Variants in CRHR1 observed in about 807,000 individuals in gnomAD.
The protein encoded by CRHR1 is corticotropin releasing hormone receptor 1.
A neutral mutation model predicts 56.0 loss-of-function variants in CRHR1; 28 were observed. The observed-to-expected ratio is 0.50, with a 90% CI of 0.37 to 0.69. The LOEUF is 0.69. Ranked by LOEUF, CRHR1 falls within the 30% of genes least tolerant of loss-of-function variation. The probability of loss-of-function intolerance (pLI) is 0.00; values close to 1 mark genes in which losing one functional copy is unlikely to be tolerated. For synonymous variants in CRHR1, 195 were observed against 216.5 expected, an observed-to-expected ratio of 0.90 and a Z score of 0.87; for missense variants, 376 against 548.0, an observed-to-expected ratio of 0.69 and a Z score of 3.13.
intron 1 of CRHR1, among the ~76,000 whole-genome samples, chr17:45,792,434 G>T (rs969293263): frequency 4.6e-5 from 7 of 152,124 alleles, no homozygotes; most frequent in African/African-American, 1.7e-4. Flanking sequence ...TTCTAGAGGG[G>T]AAAGAACCTG....
chr17:45,791,036 A>G (rs2061416338), intron 1 of CRHR1, among the ~76,000 whole-genome samples: 1 of 152,178 alleles, frequency 6.6e-6, no homozygotes, highest in East Asian at 1.9e-4. Context: ...TGCCATTTCC[A>G]GTGGGGAGTG....
chr17:45,833,940 G>A, intron 11 of CRHR1, 67 bp from the exon 12 acceptor site: 1 of 1,613,260 alleles, frequency 6.2e-7, no homozygotes, highest in South Asian at 1.1e-5. Flanking sequence ...GAGAAGCAAG[G>A]GGCAGCCCAG....
At chr17:45,812,007 C>A (rs1454388185) in intron 2 of CRHR1, among the ~76,000 whole-genome samples, 1 of 152,192 alleles carries the variant, frequency 6.6e-6, no homozygotes, top group Non-Finnish European at 1.5e-5. Flanking sequence ...CCATGGGGCA[C>A]TGGTTCCAGA....
At chr17:45,821,546 G>A (rs1309025898) in intron 4 of CRHR1, 106 bp downstream of exon 4, 9 of 1,073,468 alleles carry the variant, frequency 8.4e-6, no homozygotes, top group Non-Finnish European at 8.4e-6. Flanking sequence ...CTAATGTCAA[G>A]GCCCTGCTCT....
chr17:45,809,036 G>A (rs1186768724), intron 2 of CRHR1, among the ~76,000 whole-genome samples: 1 of 152,200 alleles, frequency 6.6e-6, no homozygotes, highest in African/African-American at 2.4e-5. Flanking sequence ...CAGGGGTGGT[G>A]CAAATCCAGG....
In CRHR1 at chr17:45,834,039, C is replaced by A; in HGVS notation, c.1098C>A (p.Leu366=). The change falls in exon 12 of 13, where the codon CTC becomes CTA. Residue 366 remains leucine, a synonymous_variant. Transcript: ENST00000314537. ...TTGTGTCTGTGTTCTACTGTTTCCT[C>A]AATAGTGAGGTGAGGACCCGGGGGC... ...GFFVSVFYCF[L]NSEVRSAIRK... 1 of 1,613,402 alleles carries A rather than the reference C, an allele frequency of 6.2e-7. No homozygotes were observed. The highest frequency in any genetic ancestry group is 8.5e-7 in the Non-Finnish European group (1 of 1,179,408).
intron 8 of CRHR1, among the ~76,000 whole-genome samples, chr17:45,832,681 G>T (rs544110617): frequency 2.6e-4 from 40 of 152,334 alleles, no homozygotes; most frequent in African/African-American, 8.7e-4. Flanking sequence ...TCCTCTCAAG[G>T]TTGTTCAGGC....
At chr17:45,812,635 C>G (rs939648803) in intron 2 of CRHR1, among the ~76,000 whole-genome samples, 1 of 152,182 alleles carries the variant, frequency 6.6e-6, no homozygotes, top group Non-Finnish European at 1.5e-5. Context: ...TTCTCCCCTT[C>G]CCAGCTAGGG....
intron 10 of CRHR1, 58 bp from the exon 11 acceptor site, chr17:45,833,656 G>C: frequency 7.5e-6 from 12 of 1,604,992 alleles, no homozygotes; most frequent in African/African-American, 1.3e-5. Context: ...CCGAGCCAGC[G>C]GGCAGCCCGT....
At chr17:45,803,757 C>CATGTGTGTGT (rs1555650791) in intron 1 of CRHR1, among the ~76,000 whole-genome samples, 1 of 129,452 alleles carries the variant, frequency 7.7e-6, no homozygotes, top group Non-Finnish European at 1.8e-5. Flanking sequence ...AGAGAGAGTG[C>CATGTGTGTGT]GTGTGTGTGT....
intron 1 of CRHR1, among the ~76,000 whole-genome samples, chr17:45,798,283 T>A (rs2061556616): frequency 6.6e-6 from 1 of 152,098 alleles, no homozygotes; most frequent in Non-Finnish European, 1.5e-5. Context: ...CCCAGCACTT[T>A]GGGAGGCCGA....
Position 45,830,189 on chromosome 17 carries a change from G to A in CRHR1, c.530G>A (p.Ser177Asn). 1 of 1,614,128 alleles carries A rather than the reference G, an allele frequency of 6.2e-7. No homozygotes were observed. The highest frequency in any genetic ancestry group is 8.5e-7 in the Non-Finnish European group (1 of 1,180,020). The change falls in exon 6 of 13, where the codon AGC (serine) becomes AAC (asparagine). Residue 177 changes from serine (S) to asparagine (N), a missense_variant. By Grantham distance (46) the Ser-to-Asn change is conservative. Coordinates refer to ENST00000314537, the MANE Select transcript of CRHR1 (RefSeq NM_004382.5). ...TGGTTCGTGGTCCAGCTAACCATGA[G>A]CCCCGAGGTCCACCAGAGCAACGTG... ...ATWFVVQLTM[S>N]PEVHQSNVGW...
chr17:45,800,181 CT>C (rs2061596813), intron 1 of CRHR1: 1 of 152,390 alleles, frequency 6.6e-6, no homozygotes, highest in Admixed American at 6.5e-5. Flanking sequence ...AAATCATGTA[CT>C]TAGTCCTGGA....
intron 10 of CRHR1, 21 bp from the exon 11 acceptor site, chr17:45,833,693 T>TGGGGCGCCCCCCCCC: frequency 6.4e-7 from 1 of 1,571,618 alleles, no homozygotes. Context: ...ACTCCGAGCC[T>TGGGGCGCCCCCCCCC]CCCCACCCGC....
At chr17:45,804,519 T>G (rs2061684708) in intron 1 of CRHR1, among the ~76,000 whole-genome samples, 3 of 146,288 alleles carry the variant, frequency 2.1e-5, no homozygotes, top group Admixed American at 6.8e-5. Context: ...TGGGAGGGAG[T>G]GGGTACCGTG....
Position 45,814,105 on chromosome 17 carries a change from A to G in CRHR1, c.122-2358A>G, listed in dbSNP as rs576378078. Among the ~76,000 whole-genome samples the G allele has an allele frequency of 2.6e-5, 4 of 152,354 alleles. No homozygotes were observed. In the South Asian group the frequency reaches 8.3e-4, roughly 32 times the overall value. On this transcript the variant is annotated intron_variant, in intron 2 of 12. Transcript: ENST00000314537. ...AAGAAGACTGGCCGGGGAAGGGAAG[A>G]AGGAAGGGCAGGGGCCACACTGATG...
rs187965821 is a variant in CRHR1 at position 45,786,665 on chromosome 17, G to A, written c.33+2088G>A. ...TTTTTTTTTTTTTTTTTCAAGACAGGGTCCCACTCTGTCGCCCAGGTTGGA... is the reference window on the plus strand; with the variant it reads ...TTTTTTTTTTTTTTTTTCAAGACAGAGTCCCACTCTGTCGCCCAGGTTGGA... On this transcript the variant is annotated intron_variant, in intron 1 of 12. Coordinates refer to ENST00000314537, the MANE Select transcript of CRHR1 (RefSeq NM_004382.5). Among the ~76,000 whole-genome samples, 6 of 145,956 alleles carry A rather than the reference G, an allele frequency of 4.1e-5. No individual in the cohort carries two copies. In the East Asian group the frequency reaches 6.1e-4, roughly 15 times the overall value.
intron 1 of CRHR1, among the ~76,000 whole-genome samples, chr17:45,794,550 G>C (rs960297323): frequency 6.6e-6 from 1 of 152,200 alleles, no homozygotes; most frequent in African/African-American, 2.4e-5. Context: ...GCCAAGGCTG[G>C]GCGACGGAAG....
chr17:45,784,484 G>A lies in CRHR1; in HGVS notation c.-61G>A, dbSNP rs902678660. On this transcript the variant is annotated 5_prime_UTR_variant, in exon 1 of 13. Transcript: ENST00000314537. This position sits in a 1 kb window ranked among gnomAD's most constrained non-coding sequence, Gnocchi z 4.2. ...CCGCCCGAGCCCGCAGCCGCCCGCC[G>A]GTCCCTCTGGGATGTCCGTAGGACC... 3.4e-6 allele frequency: 5 copies of A among 1,455,940 alleles called. No homozygotes were observed. Among genetic ancestry groups the A allele is most frequent in the Non-Finnish European group, 4.6e-6 (5 of 1,094,824 alleles). 90.2% of individuals were successfully genotyped at this position (1,455,940 alleles called of 1,614,324 possible).
Sources: gnomAD v4.1 joint callset for allele counts (sites outside exome capture counted in the v4.1 genomes callset) on GRCh38, gnomAD v4.1.1 for gene constraint, Gnocchi (gnomAD v3.1) non-coding constraint, MANE v1.5 for transcripts, NCBI Gene and HGNC (gene_info 2026-07-23, HGNC 2026-07-21) for gene names.